S100A8: variants seen among roughly 807,000 people sequenced by gnomAD.
S100A8 encodes S100 calcium binding protein A8.
In S100A8, 1 loss-of-function variant was observed where a neutral mutation model predicts 4.2. That is an observed-to-expected ratio of 0.24 (90% confidence interval 0.08 to 1.12). The LOEUF is 1.12. S100A8 is among the 50% of genes most tolerant of loss of function. S100A8 has a pLI of 0.53. For synonymous variants in S100A8, 41 were observed against 44.7 expected, an observed-to-expected ratio of 0.92 and a Z score of 0.33; for missense variants, 96 against 111.8, an observed-to-expected ratio of 0.86 and a Z score of 0.64.
chr1:153,413,505 G>A, the S100A8 span, among the ~76,000 whole-genome samples: 1 of 152,224 alleles, frequency 6.6e-6, no homozygotes, highest in Admixed American at 6.5e-5. Flanking sequence ...TTCCTGGGCA[G>A]ACTCTGCCAG....
chr1:153,404,173 G>T, the S100A8 span, among the ~76,000 whole-genome samples: 1 of 152,150 alleles, frequency 6.6e-6, no homozygotes, highest in Non-Finnish European at 1.5e-5. Flanking sequence ...CACTCCAGGA[G>T]CCCACCCTTC....
At chr1:153,410,159 A>T in the S100A8 span, among the ~76,000 whole-genome samples, 1 of 152,232 alleles carries the variant, frequency 6.6e-6, no homozygotes, top group South Asian at 2.1e-4. Context: ...TAGAGACACA[A>T]AAAACCCTTC....
the S100A8 span, chr1:153,396,663 C>T: frequency 6.6e-6 from 1 of 152,500 alleles, no homozygotes; most frequent in African/African-American, 2.4e-5. Flanking sequence ...AGTCCTTCAC[C>T]AGCTTGCCCA....
At chr1:153,398,069 G>A in the S100A8 span, among the ~76,000 whole-genome samples, 2 of 152,228 alleles carry the variant, frequency 1.3e-5, no homozygotes, top group Non-Finnish European at 2.9e-5. Context: ...GGCAAGGCTG[G>A]GGAGATGGGA....
chr1:153,391,260 G>A, upstream of S100A8: 2 of 955,898 alleles, frequency 2.1e-6, no homozygotes, highest in Non-Finnish European at 2.5e-6. Context: ...GCGGAAAGAG[G>A]AAGGCATTTG....
At chr1:153,392,094 T>C (rs746920300), upstream of S100A8, among the ~76,000 whole-genome samples, 138 of 152,154 alleles carry the variant, frequency 9.1e-4, no homozygotes, top group Non-Finnish European at 1.6e-3. Context: ...GTAAAACAAA[T>C]ATCTGATAAG....
the S100A8 span, among the ~76,000 whole-genome samples, chr1:153,401,653 C>G: frequency 1.3e-5 from 2 of 152,118 alleles, no homozygotes; most frequent in Non-Finnish European, 1.5e-5. Context: ...AGGAGGTTAC[C>G]CGAAACTGGC....
the S100A8 span, among the ~76,000 whole-genome samples, chr1:153,416,120 G>A: frequency 6.6e-6 from 1 of 152,206 alleles, no homozygotes; most frequent in African/African-American, 2.4e-5. Context: ...AGCGGTGGGG[G>A]TCATAGAACA....
At chr1:153,394,013 C>T (rs983706426), upstream of S100A8, among the ~76,000 whole-genome samples, 3 of 152,158 alleles carry the variant, frequency 2.0e-5, no homozygotes, top group African/African-American at 7.2e-5. Context: ...GCTTTGGGGA[C>T]AGCAGGAGCC....
the S100A8 span, chr1:153,418,285 G>C: frequency 1.2e-6 from 2 of 1,605,684 alleles, no homozygotes; most frequent in Non-Finnish European, 1.7e-6. Context: ...GATACATTTT[G>C]CTATGTGGCC....
chr1:153,417,309 C>G, the S100A8 span: 2 of 152,208 alleles, frequency 1.3e-5, no homozygotes, highest in East Asian at 1.9e-4. Flanking sequence ...CAGGGTCAAC[C>G]CTTGGTGATT....
At chr1:153,403,667 A>G in the S100A8 span, among the ~76,000 whole-genome samples, 1 of 152,148 alleles carries the variant, frequency 6.6e-6, no homozygotes, top group Non-Finnish European at 1.5e-5. Context: ...TGTTTAAAAC[A>G]TCTCCCCAGT....
intron 1 of S100A8, 139 bp from the exon 2 acceptor site, chr1:153,390,696 TG>T: frequency 9.5e-7 from 1 of 1,049,008 alleles, no homozygotes; most frequent in South Asian, 1.5e-5. Flanking sequence ...CAGATGGCTA[TG>T]GCTCTGGTGG....
the S100A8 span, chr1:153,421,591 G>A: frequency 6.6e-6 from 1 of 152,212 alleles, no homozygotes; most frequent in Non-Finnish European, 1.5e-5. Context: ...TGCAGCTTAG[G>A]GGAGGACCCC....
chr1:153,404,009 C>T, the S100A8 span, among the ~76,000 whole-genome samples: 5 of 152,174 alleles, frequency 3.3e-5, no homozygotes, highest in Non-Finnish European at 7.3e-5. Flanking sequence ...AAACCCCCTC[C>T]TCAGGTTAGA....
the S100A8 span, among the ~76,000 whole-genome samples, chr1:153,408,940 C>A: frequency 6.6e-6 from 1 of 152,154 alleles, no homozygotes; most frequent in African/African-American, 2.4e-5. Context: ...GAGATTTTGT[C>A]ACCACCAGGC....
At chr1:153,403,565 C>A in the S100A8 span, among the ~76,000 whole-genome samples, 2 of 152,170 alleles carry the variant, frequency 1.3e-5, no homozygotes, top group East Asian at 3.9e-4. Flanking sequence ...GTCACATTAA[C>A]CCCCTCCCCA....
chr1:153,418,362 GATC>G, the S100A8 span: 1 of 1,143,524 alleles, frequency 8.7e-7, no homozygotes, highest in Non-Finnish European at 1.2e-6. Context: ...TTATTGCTTG[GATC>G]ATATGTGAAT....
chr1:153,411,791 G>T, the S100A8 span, among the ~76,000 whole-genome samples: 4 of 152,224 alleles, frequency 2.6e-5, no homozygotes, highest in South Asian at 4.1e-4. Context: ...GAGGTATAGA[G>T]CAATGTAACA....
Sources: gnomAD v4.1 joint callset for allele counts (sites outside exome capture counted in the v4.1 genomes callset) on GRCh38, gnomAD v4.1.1 for gene constraint, MANE v1.5 for transcripts, NCBI Gene and HGNC (gene_info 2026-07-23, HGNC 2026-07-21) for gene names.